LANCL1: variants seen among roughly 807,000 people sequenced by gnomAD.
The protein encoded by LANCL1 is LanC like glutathione S-transferase 1.
In LANCL1, 50 loss-of-function variants were observed where a neutral mutation model predicts 50.6. The ratio of observed to expected loss-of-function variants is 0.99; its 90% CI spans 0.79 to 1.25. The LOEUF is 1.25. Among genes scored for constraint, LANCL1 ranks in the 50% most tolerant of loss-of-function variants. LANCL1 has a pLI of 0.00. For synonymous variants in LANCL1, 188 were observed against 178.6 expected, an observed-to-expected ratio of 1.05 and a Z score of -0.42; for missense variants, 532 against 480.7, an observed-to-expected ratio of 1.11 and a Z score of -1.00.
chr2:210,455,338 T>C (rs1371660289), intron 3 of LANCL1, 24 bp from the exon 4 acceptor site: 6 of 1,506,724 alleles, frequency 4.0e-6, no homozygotes, highest in Admixed American at 1.8e-5. Context: ...AAGGAAACAA[T>C]GTAAAGATGA....
intron 1 of LANCL1, 42 bp from the exon 2 acceptor site, chr2:210,476,454 G>A: frequency 3.2e-6 from 5 of 1,547,772 alleles, no homozygotes; most frequent in Non-Finnish European, 3.5e-6. Flanking sequence ...TGAGATAGGG[G>A]CCTCGGCCGA....
At chr2:210,461,032 T>C (rs1279751576) in intron 3 of LANCL1, 1 of 152,130 alleles carries the variant, frequency 6.6e-6, no homozygotes, top group East Asian at 1.9e-4. Flanking sequence ...TTGGGCACTG[T>C]GCTAAGTGTT....
At chr2:210,467,021 C>T (rs903232173) in intron 3 of LANCL1, among the ~76,000 whole-genome samples, 1 of 152,222 alleles carries the variant, frequency 6.6e-6, no homozygotes, top group African/African-American at 2.4e-5. Flanking sequence ...ATAGACGCCA[C>T]ACCAGAGGAA....
chr2:210,441,983 C>T (rs1693153346), intron 4 of LANCL1, among the ~76,000 whole-genome samples: 2 of 151,974 alleles, frequency 1.3e-5, no homozygotes, highest in African/African-American at 2.4e-5. Flanking sequence ...CGGCTCACCG[C>T]AACCTCCGCC....
chr2:210,446,045 T>TA (rs1693315138), intron 4 of LANCL1, among the ~76,000 whole-genome samples: 1 of 152,092 alleles, frequency 6.6e-6, no homozygotes, highest in African/African-American at 2.4e-5. Context: ...TCAGCAGACT[T>TA]AAACATTCCT....
intron 4 of LANCL1, among the ~76,000 whole-genome samples, chr2:210,450,772 A>G (rs1693488823): frequency 2.0e-5 from 3 of 152,240 alleles, no homozygotes; most frequent in African/African-American, 7.2e-5. Flanking sequence ...AATCAAAACC[A>G]CAATGCGATA....
intron 3 of LANCL1, among the ~76,000 whole-genome samples, chr2:210,465,203 C>T (rs1010411219): frequency 1.4e-4 from 21 of 152,214 alleles, no homozygotes; most frequent in African/African-American, 4.8e-4. Context: ...ATCATTATCT[C>T]TGTCTCTCCA....
At chr2:210,437,055 T>A (rs1034367052) in intron 7 of LANCL1, among the ~76,000 whole-genome samples, 1 of 152,208 alleles carries the variant, frequency 6.6e-6, no homozygotes, top group South Asian at 2.1e-4. Flanking sequence ...AGAGTTGTAA[T>A]TTGTTGATTT....
intron 4 of LANCL1, among the ~76,000 whole-genome samples, chr2:210,452,411 C>T (rs184979725): frequency 9.5e-4 from 144 of 152,188 alleles, no homozygotes; most frequent in African/African-American, 3.4e-3. Context: ...TGTTGTGGCA[C>T]TGATGTGTAG....
rs7893 is a variant in LANCL1 at position 210,431,515 on chromosome 2, G to A, written c.*2972C>T. Reference sequence around the variant, plus strand: ...GTGTAAATAATAAAGGACTACAGATGAGTTCTAGCAGCCAAAGGAGTATAC... The same window carrying A: ...GTGTAAATAATAAAGGACTACAGATAAGTTCTAGCAGCCAAAGGAGTATAC... On this transcript the variant is annotated 3_prime_UTR_variant, in exon 10 of 10. Transcript: ENST00000450366. 38,540 of 152,076 alleles carry A rather than the reference G, an allele frequency of 0.25. 6,743 individuals carry two copies. The highest frequency in any genetic ancestry group is 0.59 in the East Asian group (3,051 of 5,172). The allele number at this position is 152,076 out of a possible 1,614,324, so 9.4% of individuals were successfully genotyped here. A position where few individuals can be genotyped will look rare whatever the true frequency, so the allele number is the denominator to read the frequency against.
Position 210,476,388 on chromosome 2 carries a change from T to C in LANCL1, c.9A>G (p.Gln3=), listed in dbSNP as rs764590667. ...CAGCATAAGGATTCGGGAAGGCCCTTTGAGCCATGACGCCGGAAGCAAGCC... is the reference window on the plus strand; with the variant it reads ...CAGCATAAGGATTCGGGAAGGCCCTCTGAGCCATGACGCCGGAAGCAAGCC... MA[Q]RAFPNPYADY... The change falls in exon 2 of 10, where the codon CAA becomes CAG. Residue 3 remains glutamine (Q), a synonymous_variant. Coordinates refer to ENST00000450366, the MANE Select transcript of LANCL1 (RefSeq NM_006055.3). The C allele has an allele frequency of 4.3e-6, 7 of 1,613,928 alleles. No homozygotes were observed. Among genetic ancestry groups the C allele is most frequent in the Non-Finnish European group, 5.9e-6 (7 of 1,179,996 alleles).
At position 210,440,649 on chromosome 2, in the gene LANCL1, A is replaced by T; in HGVS notation, c.639T>A (p.Tyr213Ter). 1 of 1,613,952 alleles carries T rather than the reference A, an allele frequency of 6.2e-7. No individual in the cohort carries two copies. Among genetic ancestry groups the T allele is most frequent in the East Asian group, 2.2e-5 (1 of 44,862 alleles). Reference sequence around the variant, plus strand: ...CCAGGCCATGAGCAGCCCCTACATAATATTCCTGGTACCATTCATACATCA... The same window carrying T: ...CCAGGCCATGAGCAGCCCCTACATATTATTCCTGGTACCATTCATACATCA... ...SPLMYEWYQE[Y>*]YVGAAHGLAG... is the part of the protein sequence containing the mutation. Residue 213 changes from tyrosine (Y) to a stop codon, truncating the protein, a stop_gained, in exon 6 of 10, where the codon TAT (tyrosine) becomes TAA (stop). Coordinates refer to ENST00000450366, the MANE Select transcript of LANCL1 (RefSeq NM_006055.3). LOFTEE classifies it high-confidence loss of function.
intron 4 of LANCL1, among the ~76,000 whole-genome samples, chr2:210,444,372 G>C (rs1483514642): frequency 1.3e-5 from 2 of 152,132 alleles, no homozygotes; most frequent in Admixed American, 6.6e-5. Context: ...TGTGGTGAGG[G>C]GGGAGAAAAC....
chr2:210,455,165 C>T lies in LANCL1; in HGVS notation c.349G>A (p.Ala117Thr), dbSNP rs752799862. 3.7e-6 allele frequency: 6 copies of T among 1,613,630 alleles called. No homozygotes were observed. In the African/African-American group the frequency reaches 6.7e-5, roughly 18 times the overall value. Residue 117 changes from alanine to threonine, a missense_variant, in exon 4 of 10, where the codon GCC becomes ACC. Coordinates refer to ENST00000450366, the MANE Select transcript of LANCL1 (RefSeq NM_006055.3). ...LCGDAGPLAV[A>T]AVLYHKMNNE... ...TTCATCTTGTGATATAGCACAGCGG[C>T]CACTGCCAGGGGGCCTGCATCCCCA...
At chr2:210,476,823 T>G (rs753349461), upstream of LANCL1, 34 of 1,001,656 alleles carry the variant, frequency 3.4e-5, no homozygotes, top group Middle Eastern at 1.0e-3. Flanking sequence ...CCCCCTTCTC[T>G]CTTACAGTTT....
At chr2:210,438,126 T>G (rs1341899710) in intron 6 of LANCL1, among the ~76,000 whole-genome samples, 4 of 150,914 alleles carry the variant, frequency 2.7e-5, no homozygotes, top group African/African-American at 9.8e-5. Flanking sequence ...ATATATGGTT[T>G]TTCTTTCTTT....
intron 3 of LANCL1, among the ~76,000 whole-genome samples, chr2:210,461,368 T>G (rs891074149): frequency 7.7e-6 from 1 of 129,480 alleles, no homozygotes; most frequent in Non-Finnish European, 1.8e-5. Flanking sequence ...GGGCTCAAAT[T>G]AAACACTGAA....
chr2:210,475,490 T>C (rs1268970688), intron 2 of LANCL1, among the ~76,000 whole-genome samples: 1 of 152,096 alleles, frequency 6.6e-6, no homozygotes, highest in Admixed American at 6.5e-5. Context: ...CCACCACACC[T>C]GGCTAATTTT....
At position 210,431,941 on chromosome 2, in the gene LANCL1, T is replaced by G. The variant is rs1200523166; in HGVS notation, c.*2546A>C. ...AACATGTGACAGGATAAATGAACAC[T>G]GCTTGATGACCTTTGACAACCTTTG... On this transcript the variant is annotated 3_prime_UTR_variant, in exon 10 of 10. Transcript: ENST00000450366. The G allele has an allele frequency of 6.6e-6, 1 of 152,258 alleles. No individual in the cohort carries two copies. The highest frequency in any genetic ancestry group is 1.5e-5 in the Non-Finnish European group (1 of 68,042). 9.4% of individuals were successfully genotyped at this position (152,258 alleles called of 1,614,324 possible).
Sources: allele counts gnomAD v4.1 joint callset (sites outside exome capture counted in the v4.1 genomes callset), GRCh38; gene constraint gnomAD v4.1.1; transcripts MANE v1.5; gene names NCBI Gene and HGNC (gene_info 2026-07-23, HGNC 2026-07-21).